Variants in XRCC4 observed in about 807,000 individuals in gnomAD.
The protein encoded by XRCC4 is DNA repair protein XRCC4.
Under a neutral mutation model 39.1 loss-of-function variants are expected in XRCC4, and 28 were observed. That is an observed-to-expected ratio of 0.72 (90% confidence interval 0.53 to 0.98). The LOEUF is 0.98. Among genes scored for constraint, XRCC4 ranks in the 50% least tolerant of loss-of-function variants. XRCC4 has a pLI of 0.00. For missense variants in XRCC4, 350 were observed against 376.4 expected (o/e 0.93, Z 0.58); for synonymous variants, 123 against 126.4 (o/e 0.97, Z 0.18).
At chr5:83,180,622 A>G (rs904957437) in intron 3 of XRCC4, among the ~76,000 whole-genome samples, 1 of 152,068 alleles carries the variant, frequency 6.6e-6, no homozygotes, top group Admixed American at 6.6e-5. Context: ...GCATTTTTTT[A>G]TTATTGTACA....
At chr5:83,160,095 T>C (rs1459690532) in intron 3 of XRCC4, among the ~76,000 whole-genome samples, 1 of 152,168 alleles carries the variant, frequency 6.6e-6, no homozygotes, top group Non-Finnish European at 1.5e-5. Context: ...TAAAAAGAAA[T>C]AGAAATAGCC....
intron 1 of XRCC4, among the ~76,000 whole-genome samples, chr5:83,091,564 T>A (rs1745430709): frequency 6.6e-6 from 1 of 152,214 alleles, no homozygotes; most frequent in Non-Finnish European, 1.5e-5. Context: ...TACTCTCTGC[T>A]TCTGTGAGTT....
intron 3 of XRCC4, among the ~76,000 whole-genome samples, chr5:83,129,917 G>C (rs1270278472): frequency 6.6e-6 from 1 of 152,028 alleles, no homozygotes; most frequent in African/African-American, 2.4e-5. Context: ...CTGCAAACAG[G>C]GACAATTTGG....
intron 2 of XRCC4, among the ~76,000 whole-genome samples, chr5:83,110,655 C>T (rs1270592714): frequency 6.6e-6 from 1 of 151,922 alleles, no homozygotes; most frequent in Admixed American, 6.6e-5. Context: ...ATCTTTGATG[C>T]AAGGAAGAAA....
At chr5:83,338,357 T>C (rs2112191357) in intron 7 of XRCC4, among the ~76,000 whole-genome samples, 1 of 152,314 alleles carries the variant, frequency 6.6e-6, no homozygotes. Context: ...TTTCTTGTAA[T>C]AGCAAAATAA....
chr5:83,078,503 G>C lies in XRCC4; in HGVS notation c.-11+888G>C, dbSNP rs186181531. On this transcript the variant is annotated intron_variant, in intron 1 of 7. Coordinates refer to ENST00000396027, the MANE Select transcript of XRCC4 (RefSeq NM_003401.5). ...GAAAGAGAGAAGGTAACTCACGTGA[G>C]ATTTTGGTTTATGAACTGTATTCGG... 3.3e-4 allele frequency among the ~76,000 whole-genome samples: 50 copies of C among 152,328 alleles called. No homozygotes were observed. In the East Asian group the frequency reaches 7.7e-3, roughly 23 times the overall value.
At chr5:83,119,027 C>T (rs891768994) in intron 3 of XRCC4, among the ~76,000 whole-genome samples, 4 of 152,158 alleles carry the variant, frequency 2.6e-5, no homozygotes, top group African/African-American at 9.7e-5. Flanking sequence ...AAGTTTCAGA[C>T]AGCCTTCCCA....
At chr5:83,353,053 T>G in intron 7 of XRCC4, 78 bp from the exon 8 acceptor site, 1 of 1,130,166 alleles carries the variant, frequency 8.8e-7, no homozygotes, top group Non-Finnish European at 1.3e-6. Flanking sequence ...ATTTCACTTA[T>G]GTGTCTCTTC....
chr5:83,119,998 C>CAAAAA (rs367806953), intron 3 of XRCC4, among the ~76,000 whole-genome samples: 47 of 61,762 alleles, frequency 7.6e-4, no homozygotes, highest in East Asian at 1.4e-3. Flanking sequence ...CCTTGTCTCA[C>CAAAAA]AAAAAAAAAA....
At chr5:83,345,261 T>C (rs918670838) in intron 7 of XRCC4, among the ~76,000 whole-genome samples, 5 of 152,166 alleles carry the variant, frequency 3.3e-5, no homozygotes, top group African/African-American at 1.2e-4. Flanking sequence ...TGGTTTTCAA[T>C]TTCTGCCTTG....
intron 1 of XRCC4, among the ~76,000 whole-genome samples, chr5:83,081,017 T>C (rs887148402): frequency 6.6e-6 from 1 of 152,180 alleles, no homozygotes; most frequent in South Asian, 2.1e-4. Context: ...TATAAAAGCT[T>C]AGTTAAGATA....
intron 1 of XRCC4, among the ~76,000 whole-genome samples, chr5:83,097,240 A>G (rs1341411054): frequency 1.3e-5 from 2 of 150,984 alleles, no homozygotes. Flanking sequence ...TATTATTTGA[A>G]CTGTATGAAA....
intron 7 of XRCC4, among the ~76,000 whole-genome samples, chr5:83,340,568 A>G (rs2112198713): frequency 6.6e-6 from 1 of 151,982 alleles, no homozygotes; most frequent in East Asian, 1.9e-4. Flanking sequence ...TCCGCCTGCC[A>G]TTGCTGGCTT....
chr5:83,162,156 GACA>G (rs1749246602), intron 3 of XRCC4, among the ~76,000 whole-genome samples: 1 of 152,070 alleles, frequency 6.6e-6, no homozygotes, highest in Admixed American at 6.5e-5. Context: ...GACAGAGCGA[GACA>G]ACGTTTCAAA....
chr5:83,131,422 C>G (rs867190190), intron 3 of XRCC4, among the ~76,000 whole-genome samples: 1 of 152,096 alleles, frequency 6.6e-6, no homozygotes, highest in South Asian at 2.1e-4. Context: ...AGTTCAATTC[C>G]TGGGTATCTT....
chr5:83,150,285 G>A (rs1171953801), intron 3 of XRCC4, among the ~76,000 whole-genome samples: 1 of 151,966 alleles, frequency 6.6e-6, no homozygotes, highest in African/African-American at 2.4e-5. Flanking sequence ...TCATTTTATT[G>A]GATATCCTTG....
chr5:83,244,364 T>A (rs1753022690), intron 6 of XRCC4, among the ~76,000 whole-genome samples: 1 of 152,198 alleles, frequency 6.6e-6, no homozygotes, highest in South Asian at 2.1e-4. Context: ...TCTTCTTTTT[T>A]GTAAGCTCAA....
At position 83,276,565 on chromosome 5, in the gene XRCC4, G is replaced by A. The variant is rs139247472; in HGVS notation, c.893+17888G>A. 3.7e-3 allele frequency among the ~76,000 whole-genome samples: 559 copies of A among 152,244 alleles called. 2 individuals carry two copies. The highest frequency in any genetic ancestry group is 7.3e-3 in the Admixed American group (112 of 15,286). ...ATGCTCTGCCCCCTTGCCATGTGAT[G>A]CCCTGAACAATCTCAGGATTCTACA... is the stretch of plus-strand genomic sequence containing the variant. On this transcript the variant is annotated intron_variant, in intron 7 of 7. Coordinates refer to ENST00000396027, the MANE Select transcript of XRCC4 (RefSeq NM_003401.5).
chr5:83,328,279 A>G (rs1432292442), intron 7 of XRCC4, among the ~76,000 whole-genome samples: 1 of 152,094 alleles, frequency 6.6e-6, no homozygotes, highest in Non-Finnish European at 1.5e-5. Flanking sequence ...GTGGGAATTC[A>G]GGGAGATACA....
Sources: gnomAD v4.1 joint callset for allele counts (sites outside exome capture counted in the v4.1 genomes callset) on GRCh38, gnomAD v4.1.1 for gene constraint, MANE v1.5 for transcripts, NCBI Gene and HGNC (gene_info 2026-07-23, HGNC 2026-07-21) for gene names.